LRP8: variants seen among roughly 807,000 people sequenced by gnomAD.
LRP8 encodes LDL receptor related protein 8, also known as low-density lipoprotein receptor-related protein 8.
LRP8 carries 46 observed loss-of-function variants against 111.6 expected under a neutral mutation model. That is an observed-to-expected ratio of 0.41 (90% CI 0.33 to 0.53). The LOEUF is 0.53. LRP8 is among the 20% of genes least tolerant of loss of function. LRP8 has a pLI of 0.20. For missense variants in LRP8, 959 were observed against 1,297.4 expected, an observed-to-expected ratio of 0.74 and a Z score of 4.01; for synonymous variants, 464 against 511.2, an observed-to-expected ratio of 0.91 and a Z score of 1.24.
rs1645841473 is a variant in LRP8, at chr1:53,249,880, T to G, written c.2677-324A>C. On this transcript the variant is annotated intron_variant, in intron 17 of 18. Coordinates refer to ENST00000306052, the MANE Select transcript of LRP8 (RefSeq NM_004631.5). The surrounding 1 kb of genome is among the most constrained non-coding windows in gnomAD (Gnocchi z 4.1). ...TGGCATCTGTTCAACAAATATTTGT[T>G]GGGAGTCAGCCATGCCGTGCTAGGC... Among the ~76,000 whole-genome samples, 1 of 152,190 alleles carries G rather than the reference T, an allele frequency of 6.6e-6. No homozygotes were observed. Among genetic ancestry groups the G allele is most frequent in the Non-Finnish European group, 1.5e-5 (1 of 68,028 alleles).
At chr1:53,264,110 G>T in intron 10 of LRP8, 59 bp downstream of exon 10, 1 of 1,517,072 alleles carries the variant, frequency 6.6e-7, no homozygotes, top group Non-Finnish European at 9.1e-7. Context: ...CCTTGTGACA[G>T]ACACAAGAGG....
chr1:53,274,554 A>T (rs1466425578), intron 6 of LRP8: 1 of 380,858 alleles, frequency 2.6e-6, no homozygotes, highest in Non-Finnish European at 5.3e-6. Flanking sequence ...GCCCCATGTG[A>T]AGCCATAGGA....
rs767723032 is a variant in LRP8 at position 53,271,050 on chromosome 1, C to T, written c.1230G>A (p.Leu410=). The change falls in exon 8 of 19, where the codon CTG becomes CTA. Residue 410 remains leucine, a synonymous_variant. Coordinates refer to ENST00000306052, the MANE Select transcript of LRP8 (RefSeq NM_004631.5). ...ECYPGYEMDL[L]TKNCKAAAGK... ...TACCAGCAGCCTTGCAGTTCTTGGT[C>T]AGTAGGTCCATCTCGTAGCCAGGGT... 8.1e-6 allele frequency: 13 copies of T among 1,613,940 alleles called. No homozygotes were observed. The highest frequency in any genetic ancestry group is 5.3e-5 in the African/African-American group (4 of 74,870).
chr1:53,313,976 C>T (rs181771890), intron 2 of LRP8, among the ~76,000 whole-genome samples: 166 of 152,164 alleles, frequency 1.1e-3, no homozygotes, highest in Non-Finnish European at 2.0e-3. Flanking sequence ...GTGGCAGGGG[C>T]GGGGGAGGCC....
chr1:53,242,858 T>TATATATACACAC lies in LRP8; in HGVS notation c.*4159_*4160insGTGTGTATATAT, dbSNP rs56722919. ...TTAAATATATATATATATATATATA[T>TATATATACACAC]ACACACACACACACGTGGCTTTTTA... On this transcript the variant is annotated 3_prime_UTR_variant, in exon 19 of 19. Coordinates refer to ENST00000306052, the MANE Select transcript of LRP8 (RefSeq NM_004631.5). 9.2e-5 allele frequency: 13 copies of TATATATACACAC among 140,570 alleles called. No individual in the cohort carries two copies. Among genetic ancestry groups the TATATATACACAC allele is most frequent in the Admixed American group, 2.1e-4 (3 of 14,184 alleles). 8.7% of individuals were successfully genotyped at this position (140,570 alleles called of 1,614,324 possible).
chr1:53,314,122 C>T (rs1213662147), intron 2 of LRP8, among the ~76,000 whole-genome samples: 1 of 152,184 alleles, frequency 6.6e-6, no homozygotes, highest in African/African-American at 2.4e-5. Flanking sequence ...GCCTGCACTC[C>T]GGCCTAGTCC....
rs779586597 is a variant in LRP8 at position 53,293,514 on chromosome 1, G to A, written c.245-3825C>T. 6.6e-6 allele frequency among the ~76,000 whole-genome samples: 1 copy of A among 152,218 alleles called. No homozygotes were observed. Among genetic ancestry groups the A allele is most frequent in the Non-Finnish European group, 1.5e-5 (1 of 68,044 alleles). ...AGGAAATTAAGGCTTAGAGGTAAGG[G>A]TGTTAGGTGGCAGAAGTGTGATTTC... On this transcript the variant is annotated intron_variant, in intron 2 of 18. Transcript: ENST00000306052. The surrounding 1 kb of genome is among the most constrained non-coding windows in gnomAD (Gnocchi z 4.9).
chr1:53,301,455 C>T (rs375050253), intron 2 of LRP8, among the ~76,000 whole-genome samples: 7 of 152,144 alleles, frequency 4.6e-5, no homozygotes, highest in Admixed American at 6.5e-5. Context: ...GGCATGGTGG[C>T]GCACGCCTGT....
chr1:53,296,478 G>T (rs903169799), intron 2 of LRP8, among the ~76,000 whole-genome samples: 1 of 152,232 alleles, frequency 6.6e-6, no homozygotes, highest in African/African-American at 2.4e-5. Flanking sequence ...ACCCGGGTCG[G>T]GGAGATGAAA....
rs1355317640 is a variant in LRP8, at chr1:53,271,322, T to C, written c.1031A>G (p.Asn344Ser). 6.2e-7 allele frequency: 1 copy of C among 1,613,772 alleles called. No individual in the cohort carries two copies. The highest frequency in any genetic ancestry group is 1.3e-5 in the African/African-American group (1 of 74,810). The change falls in exon 7 of 19, where the codon AAT (asparagine) becomes AGT (serine). Residue 344 changes from asparagine to serine, a missense_variant. Asn to Ser is a conservative substitution (Grantham distance 46). Transcript: ENST00000306052. ...AGTGCAGATGTGTGAGCAGCCGCCA[T>C]TGTTGTGCAGACACTCGTTCAGCCC... ...LQGLNECLHNNGGCSHICTDL... is the reference protein window; with the variant it reads ...LQGLNECLHNSGGCSHICTDL...
intron 2 of LRP8, among the ~76,000 whole-genome samples, chr1:53,301,261 A>C (rs969678260): frequency 6.6e-6 from 1 of 152,190 alleles, no homozygotes; most frequent in East Asian, 1.9e-4. Flanking sequence ...CCTGAGCCCA[A>C]GAGAAATCTA....
chr1:53,324,039 A>G (rs72895400), intron 2 of LRP8, among the ~76,000 whole-genome samples: 68 of 151,818 alleles, frequency 4.5e-4, no homozygotes, highest in Admixed American at 4.3e-3. Context: ...ACAAATTCCA[A>G]CCCCCATTTT....
At position 53,280,620 on chromosome 1, in the gene LRP8, C is replaced by T. The variant is rs759981018; in HGVS notation, c.463G>A (p.Glu155Lys). The change falls in exon 4 of 19, where the codon GAG becomes AAG. Residue 155 changes from glutamate to lysine, a missense_variant. This residue lies in a region of LRP8 where 819 missense variants were observed against 1,097.6 expected (regional missense o/e 0.75). Coordinates refer to ENST00000306052, the MANE Select transcript of LRP8 (RefSeq NM_004631.5). ...SWRCDGEKDC[E>K]GGADEAGCAT... The stretch of plus-strand genomic sequence containing the variant: ...CAGCCGGCCTCATCCGCTCCACCCT[C>T]GCAGTCCTTCTCCCCGTCGCAGCGC... 9.3e-6 allele frequency: 15 copies of T among 1,613,220 alleles called. No homozygotes were observed. Among genetic ancestry groups the T allele is most frequent in the East Asian group, 4.5e-5 (2 of 44,902 alleles).
chr1:53,285,292 T>G (rs1440842609), intron 3 of LRP8, among the ~76,000 whole-genome samples: 1 of 151,898 alleles, frequency 6.6e-6, no homozygotes. Flanking sequence ...CTGGCACCAC[T>G]GGCCCAGAGA....
In LRP8 at chr1:53,327,982, G is replaced by A; in HGVS notation, c.-70C>T. 1.0e-6 allele frequency: 1 copy of A among 961,518 alleles called. No homozygotes were observed. The highest frequency in any genetic ancestry group is 1.2e-6 in the Non-Finnish European group (1 of 805,942). The allele number at this position is 961,518 out of a possible 1,614,324, so 59.6% of individuals were successfully genotyped here. On this transcript the variant is annotated 5_prime_UTR_variant, in exon 1 of 19. Coordinates refer to ENST00000306052, the MANE Select transcript of LRP8 (RefSeq NM_004631.5). ...CGCCGCCGCCGCGTCTCAGCCCTCC[G>A]AGTCCTTGCCGCGGCGCCGGGGTTG...
chr1:53,258,659 A>G (rs1242215028), intron 13 of LRP8, among the ~76,000 whole-genome samples, 188 bp from the exon 14 acceptor site: 2 of 150,876 alleles, frequency 1.3e-5, no homozygotes, highest in Non-Finnish European at 2.9e-5. Context: ...TTTTTGTTAC[A>G]TGGATGAATT....
intron 2 of LRP8, among the ~76,000 whole-genome samples, chr1:53,299,369 A>G (rs1183808325): frequency 6.6e-6 from 1 of 152,188 alleles, no homozygotes; most frequent in Non-Finnish European, 1.5e-5. Flanking sequence ...AAATGCTTTC[A>G]CCAATTAGGC....
chr1:53,311,000 C>T (rs539248265), intron 2 of LRP8, among the ~76,000 whole-genome samples: 1 of 152,292 alleles, frequency 6.6e-6, no homozygotes, highest in African/African-American at 2.4e-5. Flanking sequence ...GGAGGAAATG[C>T]AGGAGGCCCT....
At chr1:53,308,854 A>G (rs1236901749) in intron 2 of LRP8, among the ~76,000 whole-genome samples, 1 of 152,212 alleles carries the variant, frequency 6.6e-6, no homozygotes, top group African/African-American at 2.4e-5. Context: ...GGAGTGCAAG[A>G]GACCCGCTTT....
Sources: gnomAD v4.1 joint callset for allele counts (sites outside exome capture counted in the v4.1 genomes callset) on GRCh38, gnomAD v4.1.1 for gene constraint, gnomAD v4.1.1 regional missense constraint, Gnocchi (gnomAD v3.1) non-coding constraint, MANE v1.5 for transcripts, NCBI Gene and HGNC (gene_info 2026-07-23, HGNC 2026-07-21) for gene names.